The following AVL9 variants were observed in gnomAD, a reference collection of about 807,000 sequenced individuals.
AVL9 encodes the protein late secretory pathway protein AVL9 homolog.
A neutral mutation model predicts 79.2 loss-of-function variants in AVL9; 49 were observed. That is an observed-to-expected ratio of 0.62 (90% CI 0.49 to 0.79). AVL9 has a LOEUF of 0.79. Among genes scored for constraint, AVL9 ranks in the 30% least tolerant of loss-of-function variants. The pLI is 0.00. For missense variants in AVL9, 682 were observed against 776.8 expected, an observed-to-expected ratio of 0.88 and a Z score of 1.45; for synonymous variants, 299 against 280.6, an observed-to-expected ratio of 1.07 and a Z score of -0.65.
Position 32,559,071 on chromosome 7 carries a change from G to A in AVL9, c.822G>A (p.Leu274=). The A allele has an allele frequency of 6.2e-7, 1 of 1,614,110 alleles. No homozygotes were observed. Among genetic ancestry groups the A allele is most frequent in the Non-Finnish European group, 8.5e-7 (1 of 1,179,990 alleles). Residue 274 remains leucine (L), a synonymous_variant, in exon 10 of 16, where the codon TTG becomes TTA. Coordinates refer to ENST00000318709, the MANE Select transcript of AVL9 (RefSeq NM_015060.3). ...ASTADVSHTN[L]GTIRKVMAGN... ...CTGCTGATGTTTCACATACCAACTT[G>A]GGAACTATCAGGAAAGTCATGGCAG...
chr7:32,522,109 C>T (rs1421320702), intron 1 of AVL9, among the ~76,000 whole-genome samples: 1 of 152,220 alleles, frequency 6.6e-6, no homozygotes, highest in Non-Finnish European at 1.5e-5. Context: ...AGAACCTCTG[C>T]TAGGGCAGTG....
At chr7:32,497,642 G>GACTGTTT in intron 1 of AVL9, among the ~76,000 whole-genome samples, 1 of 148,110 alleles carries the variant, frequency 6.8e-6, no homozygotes, top group Non-Finnish European at 1.5e-5. Flanking sequence ...GGGTCATGTT[G>GACTGTTT]ACCATTAGTT....
chr7:32,558,476 G>T (rs895523470), intron 8 of AVL9, 83 bp from the exon 9 acceptor site: 56 of 1,108,032 alleles, frequency 5.1e-5, no homozygotes, highest in South Asian at 3.0e-4. Flanking sequence ...CTTATATAAG[G>T]AATTTTTCCC....
chr7:32,519,060 A>C (rs920754083), intron 1 of AVL9, among the ~76,000 whole-genome samples: 1 of 152,202 alleles, frequency 6.6e-6, no homozygotes, highest in Non-Finnish European at 1.5e-5. Context: ...TGTTATATCT[A>C]TGATTATATG....
At chr7:32,581,841 C>T (rs1255612629) in intron 15 of AVL9, among the ~76,000 whole-genome samples, 7 of 152,154 alleles carry the variant, frequency 4.6e-5, no homozygotes, top group Non-Finnish European at 8.8e-5. Context: ...TTGAATTTAA[C>T]GTGAAAAGCC....
In AVL9 at chr7:32,533,509, G is replaced by C. The variant is rs1225843297; in HGVS notation, c.94-9632G>C. On this transcript the variant is annotated intron_variant, in intron 1 of 15. Transcript: ENST00000318709. ...GTGATTTGTTGCCAACTTTGTAGTC[G>C]AGTGAGGAATAAATGCCAATTGCTT... The C allele has an allele frequency of 3.9e-5, 6 of 152,106 alleles. No individual in the cohort carries two copies. The East Asian group carries it at 9.6e-4, about 24-fold the overall frequency. The allele number at this position is 152,106 out of a possible 1,614,324, so 9.4% of individuals were successfully genotyped here.
At chr7:32,508,570 C>T (rs1264051465) in intron 1 of AVL9, among the ~76,000 whole-genome samples, 1 of 152,160 alleles carries the variant, frequency 6.6e-6, no homozygotes, top group African/African-American at 2.4e-5. Flanking sequence ...TGTTCAGTAT[C>T]CATACATGGG....
intron 1 of AVL9, among the ~76,000 whole-genome samples, chr7:32,503,371 T>TAGAGAG (rs1210453572): frequency 2.9e-5 from 3 of 105,162 alleles, no homozygotes; most frequent in Admixed American, 1.2e-4. Context: ...GATATATATA[T>TAGAGAG]ATACACACAC....
chr7:32,500,442 C>T (rs1282916651), intron 1 of AVL9, among the ~76,000 whole-genome samples: 13 of 151,488 alleles, frequency 8.6e-5, no homozygotes, highest in African/African-American at 3.2e-4. Context: ...TGTTTTTTTT[C>T]TTATAAATTT....
rs1169341580 is a variant in AVL9 at position 32,579,466 on chromosome 7, A to T, written c.1689-753A>T. On this transcript the variant is annotated intron_variant, in intron 13 of 15. Transcript: ENST00000318709. ...ATATAATATATTATATATTATATATAATATATTATATTATATATAATATAT... is the reference window on the plus strand; with the variant it reads ...ATATAATATATTATATATTATATATTATATATTATATTATATATAATATAT... 7.7e-3 allele frequency among the ~76,000 whole-genome samples: 26 copies of T among 3,372 alleles called. 7 individuals carry two copies. The highest frequency in any genetic ancestry group is 0.028 in the Admixed American group (3 of 108). 2.2% of individuals were successfully genotyped at this position (3,372 alleles called of 152,430 possible). A position where few individuals can be genotyped will look rare whatever the true frequency, so the allele number is the denominator to read the frequency against.
chr7:32,557,596 G>T (rs1222763469), intron 8 of AVL9, among the ~76,000 whole-genome samples: 1 of 152,138 alleles, frequency 6.6e-6, no homozygotes, highest in African/African-American at 2.4e-5. Flanking sequence ...GTAGTGGTGT[G>T]TCTCTGTCAG....
intron 15 of AVL9, among the ~76,000 whole-genome samples, chr7:32,582,387 T>C (rs1791551784): frequency 6.6e-6 from 1 of 152,232 alleles, no homozygotes; most frequent in South Asian, 2.1e-4. Context: ...CAGAAAACTC[T>C]ACAGACTCAT....
At chr7:32,527,776 A>C (rs1013474087) in intron 1 of AVL9, among the ~76,000 whole-genome samples, 3 of 152,210 alleles carry the variant, frequency 2.0e-5, no homozygotes, top group South Asian at 2.1e-4. Flanking sequence ...CTTGGCCAGA[A>C]GTGAGAGAAT....
chr7:32,543,320 T>C (rs1187567706), intron 2 of AVL9, 59 bp downstream of exon 2: 8 of 1,590,600 alleles, frequency 5.0e-6, no homozygotes, highest in Non-Finnish European at 6.0e-6. Context: ...TGCCAAGATA[T>C]CTTAGGTTCT....
chr7:32,544,858 A>G, intron 3 of AVL9, 79 bp downstream of exon 3: 1 of 1,011,086 alleles, frequency 9.9e-7, no homozygotes, highest in East Asian at 2.5e-5. Context: ...TTTATTTTTC[A>G]GTGGTGCCTG....
In AVL9 at chr7:32,542,416, C is replaced by T. The variant is rs375555002; in HGVS notation, c.94-725C>T. On this transcript the variant is annotated intron_variant, in intron 1 of 15. Transcript: ENST00000318709. The stretch of plus-strand genomic sequence containing the variant: ...AAAAAAAAAAAAAAAATTAGCCGAG[C>T]GTGGTGGCACACGCCTGTAATCCCA... 2.3e-4 allele frequency among the ~76,000 whole-genome samples: 34 copies of T among 149,364 alleles called. No individual in the cohort carries two copies. The East Asian group carries it at 2.4e-3, about 10-fold the overall frequency.
At chr7:32,532,782 G>A (rs1788721936) in intron 1 of AVL9, 1 of 152,218 alleles carries the variant, frequency 6.6e-6, no homozygotes, top group African/African-American at 2.4e-5. Flanking sequence ...ACACATGCTT[G>A]TAATCCCAGC....
intron 10 of AVL9, among the ~76,000 whole-genome samples, chr7:32,561,747 A>AT (rs1790343447): frequency 6.6e-6 from 1 of 152,244 alleles, no homozygotes; most frequent in African/African-American, 2.4e-5. Context: ...TGCAAGAGGC[A>AT]TAGATTTCTG....
intron 1 of AVL9, among the ~76,000 whole-genome samples, chr7:32,515,754 G>A (rs1018462469): frequency 2.6e-5 from 4 of 152,060 alleles, no homozygotes; most frequent in Admixed American, 1.3e-4. Flanking sequence ...TTGGGTTTTT[G>A]TTGTTGTTTG....
Sources: gnomAD v4.1 joint callset for allele counts (sites outside exome capture counted in the v4.1 genomes callset) on GRCh38, gnomAD v4.1.1 for gene constraint, MANE v1.5 for transcripts, NCBI Gene and HGNC (gene_info 2026-07-23, HGNC 2026-07-21) for gene names.